Variants in INSR observed in about 807,000 individuals in gnomAD.
INSR encodes the protein insulin receptor.
Under a neutral mutation model 142.6 loss-of-function variants are expected in INSR, and 67 were observed. That is an observed-to-expected ratio of 0.47 (90% confidence interval 0.39 to 0.58). INSR has a LOEUF of 0.58. Among genes scored for constraint, INSR ranks in the 20% least tolerant of loss-of-function variants. The probability of loss-of-function intolerance (pLI) is 0.00; values close to 1 mark genes in which losing one functional copy is unlikely to be tolerated. For synonymous variants in INSR, 756 were observed against 743.1 expected (o/e 1.02, Z -0.28); for missense variants, 1,248 against 1,833.2 (o/e 0.68, Z 5.83).
chr19:7,193,150 C>T (rs915598402), intron 2 of INSR, among the ~76,000 whole-genome samples: 3 of 150,978 alleles, frequency 2.0e-5, no homozygotes, highest in South Asian at 2.1e-4. Context: ...TGGAGTCTCA[C>T]TCTTGTCCCT....
At chr19:7,228,364 A>C (rs1975853115) in intron 2 of INSR, among the ~76,000 whole-genome samples, 1 of 152,214 alleles carries the variant, frequency 6.6e-6, no homozygotes, top group Non-Finnish European at 1.5e-5. Context: ...TGTCTCTTGC[A>C]TCTATGAGAC....
At chr19:7,270,761 T>C (rs907626793) in intron 1 of INSR, among the ~76,000 whole-genome samples, 3 of 140,366 alleles carry the variant, frequency 2.1e-5, no homozygotes, top group African/African-American at 8.0e-5. Context: ...TCGTCTCGAT[T>C]AAAAAAACAC....
At position 7,259,818 on chromosome 19, in the gene INSR, C is replaced by CA. The variant is rs10532581; in HGVS notation, c.652+7526dup. On this transcript the variant is annotated intron_variant, in intron 2 of 21. Transcript: ENST00000302850. ...TGGACAACAGAGCGAGACTCTGTCT[C>CA]AAAAAAAAAAAAAAGAAAAAGAAAA... 1.4e-3 allele frequency among the ~76,000 whole-genome samples: 191 copies of CA among 134,728 alleles called. 1 individual carries two copies. The highest frequency in any genetic ancestry group is 2.9e-3 in the South Asian group (12 of 4,080). The allele number at this position is 134,728 out of a possible 152,430, so 88.4% of individuals were successfully genotyped here.
intron 15 of INSR, among the ~76,000 whole-genome samples, chr19:7,127,894 TCAC>T (rs983919788): frequency 2.0e-5 from 3 of 151,082 alleles, no homozygotes; most frequent in Admixed American, 1.3e-4. Context: ...CAGGCGCACA[TCAC>T]CACACCTTGC....
chr19:7,250,437 AAAAG>A (rs1289191783), intron 2 of INSR, among the ~76,000 whole-genome samples: 1 of 141,982 alleles, frequency 7.0e-6, no homozygotes, highest in Admixed American at 7.1e-5. Context: ...AAGAAAGAAG[AAAAG>A]AAAGAAGAAA....
intron 2 of INSR, among the ~76,000 whole-genome samples, chr19:7,241,977 C>A (rs1266703479): frequency 6.6e-6 from 1 of 151,956 alleles, no homozygotes; most frequent in Non-Finnish European, 1.5e-5. Context: ...CATGGTGAAA[C>A]CCCGTCTCTA....
intron 1 of INSR, among the ~76,000 whole-genome samples, chr19:7,279,417 G>A (rs922072231): frequency 6.6e-6 from 1 of 151,498 alleles, no homozygotes; most frequent in African/African-American, 2.4e-5. Flanking sequence ...GTGTGAACAG[G>A]ACTTCATACC....
chr19:7,249,938 G>A (rs1976658948), intron 2 of INSR, among the ~76,000 whole-genome samples: 1 of 151,956 alleles, frequency 6.6e-6, no homozygotes, highest in South Asian at 2.1e-4. Flanking sequence ...GTTACAGACA[G>A]CTGAGATCGC....
rs539451142 is a variant in INSR, at chr19:7,162,532, C to T, written c.2029+500G>A. Among the ~76,000 whole-genome samples, 487 of 142,442 alleles carry T rather than the reference C, an allele frequency of 3.4e-3. 1 individual carries two copies. Among genetic ancestry groups the T allele is most frequent in the Non-Finnish European group, 5.7e-3 (375 of 66,088 alleles). The allele number at this position is 142,442 out of a possible 152,430, so 93.4% of individuals were successfully genotyped here. A position where few individuals can be genotyped will look rare whatever the true frequency, so the allele number is the denominator to read the frequency against. ...TCTCAAAAAAAAAAAAAAAATAGGC[C>T]GGGTGTGGTGGCTCATGCCTGTAAT... On this transcript the variant is annotated intron_variant, in intron 9 of 21. Coordinates refer to ENST00000302850, the MANE Select transcript of INSR (RefSeq NM_000208.4).
At chr19:7,203,455 G>A (rs1257656359) in intron 2 of INSR, among the ~76,000 whole-genome samples, 5 of 152,172 alleles carry the variant, frequency 3.3e-5, no homozygotes, top group African/African-American at 1.2e-4. Context: ...CCATGGGAAC[G>A]AGGAAGTGGG....
chr19:7,126,223 G>A (rs751799607), intron 16 of INSR, among the ~76,000 whole-genome samples: 4 of 152,180 alleles, frequency 2.6e-5, no homozygotes, highest in Non-Finnish European at 5.9e-5. Flanking sequence ...CACCAGACAT[G>A]TGAGTGAAAT....
chr19:7,123,251 C>A (rs1455440628), intron 17 of INSR: 1 of 439,484 alleles, frequency 2.3e-6, no homozygotes, highest in Non-Finnish European at 4.2e-6. Flanking sequence ...TCACTGCAAC[C>A]TTTGCCTCCC....
chr19:7,183,873 A>G (rs925510579), intron 3 of INSR, among the ~76,000 whole-genome samples: 2 of 151,962 alleles, frequency 1.3e-5, no homozygotes, highest in African/African-American at 4.8e-5. Flanking sequence ...AGCCTGACCA[A>G]CATGGCGAAA....
chr19:7,125,575 T>A lies in INSR; in HGVS notation c.3014-48A>T. ...GCATCCTTGGAGGATCCCTTGGGGG[T>A]CTGCAGCCACCTTCCACCCAAGCCC... On this transcript the variant is annotated intron_variant, in intron 16 of 21. Coordinates refer to ENST00000302850, the MANE Select transcript of INSR (RefSeq NM_000208.4). The surrounding 1 kb of genome is among the most constrained non-coding windows in gnomAD (Gnocchi z 4.9). 6.2e-7 allele frequency: 1 copy of A among 1,606,028 alleles called. No homozygotes were observed. The highest frequency in any genetic ancestry group is 8.5e-7 in the Non-Finnish European group (1 of 1,179,696).
chr19:7,273,590 C>T (rs1222126913), intron 1 of INSR, among the ~76,000 whole-genome samples: 1 of 151,286 alleles, frequency 6.6e-6, no homozygotes, highest in Non-Finnish European at 1.5e-5. Flanking sequence ...ATGATCTTGG[C>T]TTGCTGCAAA....
chr19:7,201,663 C>T (rs1423751364), intron 2 of INSR, among the ~76,000 whole-genome samples: 1 of 110,000 alleles, frequency 9.1e-6, no homozygotes, highest in Non-Finnish European at 1.8e-5. Context: ...CATCTATTTT[C>T]ATTCTTTTTT....
At chr19:7,265,649 C>T (rs759207008) in intron 2 of INSR, among the ~76,000 whole-genome samples, 11 of 151,118 alleles carry the variant, frequency 7.3e-5, no homozygotes, top group South Asian at 2.1e-4. Flanking sequence ...GCAGGAGAAC[C>T]GCTTGAACCC....
In INSR at chr19:7,163,977, T is replaced by TA. The variant is rs1416037020; in HGVS notation, c.1862-779dup. 2.3e-5 allele frequency among the ~76,000 whole-genome samples: 3 copies of TA among 130,170 alleles called. No homozygotes were observed. In the East Asian group the frequency reaches 6.6e-4, roughly 28 times the overall value. 85.4% of individuals were successfully genotyped at this position (130,170 alleles called of 152,430 possible). The stretch of plus-strand genomic sequence containing the variant: ...AGCTGGACATGGTGGTGGGCGCCTG[T>TA]AATCTCAGCTTCCTGGGAGGCTGAG... On this transcript the variant is annotated intron_variant, in intron 8 of 21. Transcript: ENST00000302850.
intron 2 of INSR, among the ~76,000 whole-genome samples, chr19:7,220,376 C>T (rs1050458719): frequency 2.0e-5 from 3 of 152,154 alleles, no homozygotes; most frequent in South Asian, 2.1e-4. Flanking sequence ...CTGCAACCTC[C>T]GCCTCCCGGG....
Sources: gnomAD v4.1 joint callset for allele counts (sites outside exome capture counted in the v4.1 genomes callset) on GRCh38, gnomAD v4.1.1 for gene constraint, Gnocchi (gnomAD v3.1) non-coding constraint, MANE v1.5 for transcripts, NCBI Gene and HGNC (gene_info 2026-07-23, HGNC 2026-07-21) for gene names.